TRIOBP: variants seen among roughly 807,000 people sequenced by gnomAD.
The protein encoded by TRIOBP is TRIO and F-actin-binding protein.
A neutral mutation model predicts 238.8 loss-of-function variants in TRIOBP; 169 were observed. The ratio of observed to expected loss-of-function variants is 0.71; its 90% CI spans 0.62 to 0.80. TRIOBP has a LOEUF of 0.80. Among genes scored for constraint, TRIOBP ranks in the 30% least tolerant of loss-of-function variants. The probability of loss-of-function intolerance (pLI) is 0.00; values close to 1 mark genes in which losing one functional copy is unlikely to be tolerated. For missense variants in TRIOBP, 2,838 were observed against 3,122.6 expected (o/e 0.91, Z 2.17); for synonymous variants, 1,150 against 1,274.4 (o/e 0.90, Z 2.08).
At chr22:37,728,054 C>T (rs931622501) in intron 7 of TRIOBP, among the ~76,000 whole-genome samples, 2 of 152,022 alleles carry the variant, frequency 1.3e-5, no homozygotes, top group African/African-American at 4.8e-5. Flanking sequence ...TTTTCATCAC[C>T]CTAAAGGGTA....
At chr22:37,765,537 G>A (rs1926442004) in intron 17 of TRIOBP, 133 bp from the exon 18 acceptor site, 2 of 1,191,464 alleles carry the variant, frequency 1.7e-6, no homozygotes, top group Non-Finnish European at 1.2e-6. Context: ...GCAGGAGCAG[G>A]TGCAGACTGG....
At chr22:37,757,592 G>C in intron 15 of TRIOBP, 21 bp from the exon 16 acceptor site, 1 of 1,564,736 alleles carries the variant, frequency 6.4e-7, no homozygotes, top group African/African-American at 1.4e-5. Flanking sequence ...CCCACCTGAC[G>C]TGGCTCTGCT....
Position 37,759,231 on chromosome 22 carries a change from G to T in TRIOBP, c.6291G>T (p.Glu2097Asp). 6.2e-7 allele frequency: 1 copy of T among 1,613,148 alleles called. No individual in the cohort carries two copies. Among genetic ancestry groups the T allele is most frequent in the East Asian group, 2.2e-5 (1 of 44,874 alleles). ...EAPQSALRSQ[E>D]DGHIPPGYIS... ...CTCAGAGTGCACTGAGATCCCAGGA[G>T]GATGGCCACATCCCCCCGGGCTACA... The change falls in exon 17 of 24, where the codon GAG becomes GAT. Residue 2097 changes from glutamate (E) to aspartate (D), a missense_variant. Around this residue, in one of 5 missense-constraint regions of TRIOBP, gnomAD observed 2,096 missense variants for 2,137.4 expected, o/e 0.98. Coordinates refer to ENST00000644935, the MANE Select transcript of TRIOBP (RefSeq NM_001039141.3).
chr22:37,765,877 C>T (rs1387681143), intron 18 of TRIOBP, 60 bp downstream of exon 18: 6 of 1,526,804 alleles, frequency 3.9e-6, no homozygotes, highest in Non-Finnish European at 5.3e-6. Flanking sequence ...TGAGGTTCCT[C>T]CTAGCCAAAC....
intron 11 of TRIOBP, among the ~76,000 whole-genome samples, chr22:37,749,932 C>T (rs1338980447): frequency 6.6e-6 from 1 of 152,134 alleles, no homozygotes; most frequent in East Asian, 1.9e-4. Context: ...CCAGTCTGGG[C>T]AGCAGAGCAG....
At chr22:37,751,449 T>C in intron 11 of TRIOBP, 1 of 432,722 alleles carries the variant, frequency 2.3e-6, no homozygotes, top group South Asian at 2.1e-5. Flanking sequence ...GCAGGCAGAG[T>C]CCTCCCAGCC....
chr22:37,706,091 G>A (rs974745395), intron 3 of TRIOBP, among the ~76,000 whole-genome samples: 4 of 152,136 alleles, frequency 2.6e-5, no homozygotes, highest in African/African-American at 4.8e-5. Context: ...GAGCAGGCAC[G>A]TCTACAGGAT....
At position 37,726,201 on chromosome 22, in the gene TRIOBP, A is replaced by G. The variant is rs1275595070; in HGVS notation, c.3645A>G (p.Gln1215=). Residue 1215 remains glutamine (Q), a synonymous_variant, in exon 7 of 24, where the codon CAA becomes CAG. Transcript: ENST00000644935. The part of the protein sequence containing the change: ...SLHGSPVLIP[Q]VCIGHRDAPR... ...ATGGCTCCCCAGTGCTGATCCCCCA[A>G]GTGTGCATCGGGCACCGGGATGCAC... The G allele has an allele frequency of 2.7e-6, 4 of 1,485,296 alleles. No individual in the cohort carries two copies. The highest frequency in any genetic ancestry group is 3.6e-6 in the Non-Finnish European group (4 of 1,116,572). 92.0% of individuals were successfully genotyped at this position (1,485,296 alleles called of 1,614,324 possible). A position where few individuals can be genotyped will look rare whatever the true frequency, so the allele number is the denominator to read the frequency against.
intron 9 of TRIOBP, among the ~76,000 whole-genome samples, chr22:37,735,733 A>G (rs567520581): frequency 7.2e-5 from 11 of 152,362 alleles, no homozygotes; most frequent in African/African-American, 1.4e-4. Flanking sequence ...CTATTTACAG[A>G]TAAGGAAACT....
intron 11 of TRIOBP, among the ~76,000 whole-genome samples, chr22:37,741,967 T>A (rs961597456): frequency 9.2e-5 from 14 of 152,314 alleles, no homozygotes; most frequent in South Asian, 8.3e-4. Flanking sequence ...TTCCTTTTTT[T>A]AAAAAATTAA....
At chr22:37,726,597 A>C in intron 7 of TRIOBP, 94 bp downstream of exon 7, 1 of 1,270,262 alleles carries the variant, frequency 7.9e-7, no homozygotes, top group Non-Finnish European at 1.0e-6. Context: ...AAGTGTTCAA[A>C]TCCCCCTGGC....
At position 37,774,252 on chromosome 22, in the gene TRIOBP, G is replaced by C. The variant is rs1476053672; in HGVS notation, c.*472G>C. On this transcript the variant is annotated 3_prime_UTR_variant, in exon 24 of 24. Coordinates refer to ENST00000644935, the MANE Select transcript of TRIOBP (RefSeq NM_001039141.3). ...GGCCCAGAGGTCTGGCGGAGGCCCA[G>C]GCAGCAGCCATGGCGGGGTGTCTCT... 6.6e-6 allele frequency: 1 copy of C among 152,406 alleles called. No individual in the cohort carries two copies. Among genetic ancestry groups the C allele is most frequent in the South Asian group, 2.1e-4 (1 of 4,836 alleles). 9.4% of individuals were successfully genotyped at this position (152,406 alleles called of 1,614,324 possible).
At chr22:37,738,320 G>C (rs1018053450) in intron 9 of TRIOBP, among the ~76,000 whole-genome samples, 1 of 152,200 alleles carries the variant, frequency 6.6e-6, no homozygotes, top group African/African-American at 2.4e-5. Flanking sequence ...ATGGGTGGAT[G>C]AATGTCAGAT....
chr22:37,772,352 G>A (rs1406853514), intron 22 of TRIOBP, among the ~76,000 whole-genome samples: 3 of 152,120 alleles, frequency 2.0e-5, no homozygotes, highest in Non-Finnish European at 2.9e-5. Flanking sequence ...GCCACTCACT[G>A]CCCTGCGGTC....
intron 3 of TRIOBP, 128 bp from the exon 4 acceptor site, chr22:37,710,299 T>A: frequency 7.1e-7 from 1 of 1,403,434 alleles, no homozygotes; most frequent in Non-Finnish European, 9.8e-7. Flanking sequence ...GATGGGCAGC[T>A]CCTTGAGAAG....
intron 2 of TRIOBP, among the ~76,000 whole-genome samples, chr22:37,700,345 A>G (rs1276924581): frequency 1.4e-5 from 2 of 143,434 alleles, no homozygotes; most frequent in Non-Finnish European, 3.0e-5. Context: ...AGGTGCAGTT[A>G]TAGCACACTA....
In TRIOBP at chr22:37,753,399, C is replaced by T. The variant is rs149899112; in HGVS notation, c.5380-1478C>T. ...AAGCGATTCTCCTGCCTCAGCCTCC[C>T]GAGTAGCCGGGATTACAGGCATGCG... On this transcript the variant is annotated intron_variant, in intron 12 of 23. Transcript: ENST00000644935. 7.9e-4 allele frequency among the ~76,000 whole-genome samples: 121 copies of T among 152,270 alleles called. 1 individual carries two copies. The East Asian group carries it at 0.022, about 28-fold the overall frequency.
rs771727355 is a variant in TRIOBP, at chr22:37,735,137, C to T, written c.4801C>T (p.His1601Tyr). ...GCTGCCCCGCAAGGACCCAGCTGGACACAGGGATGACCTGGCCAGGGCTTT... is the reference window on the plus strand; with the variant it reads ...GCTGCCCCGCAAGGACCCAGCTGGATACAGGGATGACCTGGCCAGGGCTTT... Reference protein sequence around the residue: ...ARLPRKDPAGHRDDLARALGP... With the variant: ...ARLPRKDPAGYRDDLARALGP... Residue 1601 changes from histidine (H) to tyrosine (Y), a missense_variant, in exon 9 of 24, where the codon CAC becomes TAC. By Grantham distance (83) the His-to-Tyr change is moderately conservative. Around this residue, in one of 5 missense-constraint regions of TRIOBP, gnomAD observed 2,096 missense variants for 2,137.4 expected, o/e 0.98. Transcript: ENST00000644935. The T allele has an allele frequency of 1.2e-6, 2 of 1,610,342 alleles. No individual in the cohort carries two copies. Among genetic ancestry groups the T allele is most frequent in the Non-Finnish European group, 1.7e-6 (2 of 1,177,792 alleles).
intron 19 of TRIOBP, 36 bp from the exon 20 acceptor site, chr22:37,768,992 C>T (rs1926630057): frequency 1.2e-6 from 2 of 1,612,366 alleles, no homozygotes; most frequent in African/African-American, 2.7e-5. Context: ...AGGAGCAAGA[C>T]AACCTATGCT....
Sources: allele counts gnomAD v4.1 joint callset (sites outside exome capture counted in the v4.1 genomes callset), GRCh38; gene constraint gnomAD v4.1.1; regional missense constraint gnomAD v4.1.1; transcripts MANE v1.5; gene names NCBI Gene and HGNC (gene_info 2026-07-23, HGNC 2026-07-21).